KAT14: variants seen among roughly 807,000 people sequenced by gnomAD.
The protein encoded by KAT14 is lysine acetyltransferase 14.
KAT14 carries 66 observed loss-of-function variants against 78.4 expected under a neutral mutation model. The ratio of observed to expected loss-of-function variants is 0.84; its 90% CI spans 0.69 to 1.03. The LOEUF (loss-of-function observed/expected upper bound fraction) is 1.03, where lower values mean the gene tolerates loss of function less well. Ranked by LOEUF, KAT14 falls within the 50% of genes least tolerant of loss-of-function variation. The probability of loss-of-function intolerance (pLI) is 0.00; values close to 1 mark genes in which losing one functional copy is unlikely to be tolerated. For missense variants in KAT14, 870 were observed against 972.5 expected (o/e 0.89, Z 1.40); for synonymous variants, 344 against 359.4 (o/e 0.96, Z 0.48).
intron 7 of KAT14, among the ~76,000 whole-genome samples, chr20:18,175,922 T>C (rs1256225098): frequency 6.7e-6 from 1 of 149,348 alleles, no homozygotes; most frequent in Non-Finnish European, 1.5e-5. Flanking sequence ...GGTGAGAGGA[T>C]CACTTGAGCT....
chr20:18,178,073 A>G (rs192732606), intron 7 of KAT14, among the ~76,000 whole-genome samples: 1 of 150,926 alleles, frequency 6.6e-6, no homozygotes, highest in African/African-American at 2.4e-5. Context: ...GCACCACTGC[A>G]CTCCAGCCTG....
At chr20:18,148,857 A>T (rs1651107938) in intron 3 of KAT14, among the ~76,000 whole-genome samples, 1 of 151,456 alleles carries the variant, frequency 6.6e-6, no homozygotes, top group Non-Finnish European at 1.5e-5. Flanking sequence ...TGATTCACCC[A>T]CCTCAGCCTC....
chr20:18,145,047 T>C (rs2146350160), intron 2 of KAT14, 186 bp from the exon 3 acceptor site: 3 of 1,347,818 alleles, frequency 2.2e-6, no homozygotes, highest in Non-Finnish European at 2.9e-6. Flanking sequence ...TTAGTGGGCG[T>C]ATACTTGGTG....
intron 3 of KAT14, among the ~76,000 whole-genome samples, chr20:18,148,339 A>G (rs1002339558): frequency 2.6e-5 from 4 of 152,206 alleles, no homozygotes; most frequent in African/African-American, 9.7e-5. Flanking sequence ...TGTGAATAGC[A>G]GTTCCATACG....
chr20:18,187,526 C>T lies in KAT14; in HGVS notation c.*67C>T. On this transcript the variant is annotated 3_prime_UTR_variant, in exon 11 of 11. Transcript: ENST00000688188. ...ACAGGTCTTTGTGGAGATCTAAAGG[C>T]AGTGATTGATTTCACAGGGAGCTCT... The T allele has an allele frequency of 6.3e-7, 1 of 1,594,062 alleles. No homozygotes were observed. The highest frequency in any genetic ancestry group is 8.5e-7 in the Non-Finnish European group (1 of 1,173,818).
At chr20:18,165,660 C>T (rs972813763) in intron 7 of KAT14, among the ~76,000 whole-genome samples, 17 of 152,266 alleles carry the variant, frequency 1.1e-4, no homozygotes, top group South Asian at 2.1e-4. Context: ...GTTCTGGCTT[C>T]GGCTTCCATG....
chr20:18,144,123 G>T (rs1268177122), intron 2 of KAT14, among the ~76,000 whole-genome samples: 1 of 152,158 alleles, frequency 6.6e-6, no homozygotes, highest in Non-Finnish European at 1.5e-5. Flanking sequence ...CTGTGAAGAG[G>T]GTCATTTTCT....
intron 1 of KAT14, chr20:18,138,460 C>G (rs1250420341): frequency 4.0e-6 from 4 of 992,460 alleles, no homozygotes; most frequent in Non-Finnish European, 4.8e-6. Context: ...GAAGGAGTTT[C>G]TTGGGGTGCA....
chr20:18,140,538 G>C (rs1008078558), intron 1 of KAT14, among the ~76,000 whole-genome samples: 6 of 151,928 alleles, frequency 3.9e-5, no homozygotes, highest in African/African-American at 1.5e-4. Context: ...GGCCAGGCAC[G>C]GTAGCTCATG....
At chr20:18,148,998 T>G (rs1342798457) in intron 3 of KAT14, among the ~76,000 whole-genome samples, 1 of 152,132 alleles carries the variant, frequency 6.6e-6, no homozygotes, top group Non-Finnish European at 1.5e-5. Flanking sequence ...TAGTAAAGAT[T>G]AAGTGATAAT....
intron 2 of KAT14, among the ~76,000 whole-genome samples, chr20:18,144,759 T>C (rs2037758234): frequency 1.3e-5 from 2 of 152,232 alleles, no homozygotes; most frequent in South Asian, 2.1e-4. Context: ...TCCAATGCAC[T>C]GTGAGCATGG....
intron 7 of KAT14, among the ~76,000 whole-genome samples, chr20:18,172,245 G>T (rs1056964470): frequency 1.3e-5 from 2 of 151,684 alleles, no homozygotes; most frequent in Non-Finnish European, 2.9e-5. Context: ...GGGACTAAAG[G>T]TGCGTGCCAC....
chr20:18,185,321 C>T (rs1343005116), intron 10 of KAT14, among the ~76,000 whole-genome samples: 1 of 152,050 alleles, frequency 6.6e-6, no homozygotes, highest in East Asian at 1.9e-4. Flanking sequence ...GTGATTTTCC[C>T]GCCTCAGCCT....
intron 2 of KAT14, among the ~76,000 whole-genome samples, chr20:18,144,382 C>G (rs1293636607): frequency 2.0e-5 from 3 of 152,174 alleles, no homozygotes; most frequent in Non-Finnish European, 2.9e-5. Flanking sequence ...CTTTGATTCC[C>G]ACACAACTTT....
At chr20:18,185,781 A>G (rs886200364) in intron 10 of KAT14, among the ~76,000 whole-genome samples, 4 of 152,174 alleles carry the variant, frequency 2.6e-5, no homozygotes, top group African/African-American at 9.7e-5. Context: ...GAAGATGATA[A>G]AAGTTGTTTC....
chr20:18,148,603 A>ATTTTTTT (rs978610988), intron 3 of KAT14, among the ~76,000 whole-genome samples: 1 of 142,868 alleles, frequency 7.0e-6, no homozygotes, highest in Admixed American at 7.0e-5. Flanking sequence ...ACTGGGGTTC[A>ATTTTTTT]TTTTTTTTTG....
At chr20:18,174,914 C>T (rs2038979448) in intron 7 of KAT14, among the ~76,000 whole-genome samples, 1 of 152,102 alleles carries the variant, frequency 6.6e-6, no homozygotes, top group South Asian at 2.1e-4. Context: ...ATCCACCCAC[C>T]TCGGCCTCCC....
At chr20:18,159,816 A>G (rs2038353464) in intron 5 of KAT14, among the ~76,000 whole-genome samples, 1 of 152,248 alleles carries the variant, frequency 6.6e-6, no homozygotes, top group Non-Finnish European at 1.5e-5. Context: ...ATATTTAAAA[A>G]GATGTTAACA....
At chr20:18,154,462 C>T (rs951280988) in intron 4 of KAT14, among the ~76,000 whole-genome samples, 1 of 152,094 alleles carries the variant, frequency 6.6e-6, no homozygotes, top group Non-Finnish European at 1.5e-5. Flanking sequence ...GCATTAAGAA[C>T]TAAAATTGAC....
Sources: allele counts gnomAD v4.1 joint callset (sites outside exome capture counted in the v4.1 genomes callset), GRCh38; gene constraint gnomAD v4.1.1; transcripts MANE v1.5; gene names NCBI Gene and HGNC (gene_info 2026-07-23, HGNC 2026-07-21).